The following ASIC2 variants were observed in gnomAD, a reference collection of about 807,000 sequenced individuals.
ASIC2 encodes acid sensing ion channel subunit 2, also known as acid-sensing ion channel 2.
Under a neutral mutation model 57.3 loss-of-function variants are expected in ASIC2, and 25 were observed. That is an observed-to-expected ratio of 0.44 (90% CI 0.32 to 0.61). The LOEUF (loss-of-function observed/expected upper bound fraction) is 0.61. Ranked by LOEUF, ASIC2 falls within the 20% of genes least tolerant of loss-of-function variation. The pLI is 0.06. For synonymous variants in ASIC2, 319 were observed against 307.5 expected (o/e 1.04, Z -0.39); for missense variants, 641 against 738.1 (o/e 0.87, Z 1.52).
At chr17:33,081,424 A>C (rs2092112553) in intron 3 of ASIC2, among the ~76,000 whole-genome samples, 1 of 152,236 alleles carries the variant, frequency 6.6e-6, no homozygotes, top group African/African-American at 2.4e-5. Flanking sequence ...CAATGTCTAC[A>C]CAGCGGGCCA....
chr17:33,736,913 A>G (rs1467111542), intron 1 of ASIC2, among the ~76,000 whole-genome samples: 3 of 152,098 alleles, frequency 2.0e-5, no homozygotes, highest in African/African-American at 7.2e-5. Flanking sequence ...GATCTAAATA[A>G]TGTGGTCTCT....
At chr17:33,547,749 C>T (rs1424244835) in intron 1 of ASIC2, among the ~76,000 whole-genome samples, 1 of 152,200 alleles carries the variant, frequency 6.6e-6, no homozygotes, top group Non-Finnish European at 1.5e-5. Context: ...TCTGCCCATG[C>T]TACACCTGCA....
chr17:33,926,091 G>A (rs1298627731), intron 1 of ASIC2, among the ~76,000 whole-genome samples: 4 of 152,112 alleles, frequency 2.6e-5, no homozygotes, highest in African/African-American at 7.2e-5. Flanking sequence ...CGAAGTCAGG[G>A]GGTTCTTGAA....
At chr17:33,917,166 A>G (rs898187981) in intron 1 of ASIC2, among the ~76,000 whole-genome samples, 3 of 152,098 alleles carry the variant, frequency 2.0e-5, no homozygotes, top group African/African-American at 7.2e-5. Context: ...GTATTTTCCA[A>G]AGTTCTGGCC....
chr17:33,519,285 G>A (rs1372436047), intron 1 of ASIC2, among the ~76,000 whole-genome samples: 1 of 152,208 alleles, frequency 6.6e-6, no homozygotes, highest in Non-Finnish European at 1.5e-5. Flanking sequence ...AATAGAAGCA[G>A]AGCGGCTCTG....
intron 1 of ASIC2, among the ~76,000 whole-genome samples, chr17:34,044,606 C>A (rs1477417869): frequency 6.6e-6 from 1 of 152,130 alleles, no homozygotes; most frequent in African/African-American, 2.4e-5. Flanking sequence ...GAGGAGGCAC[C>A]TAGAGGAGGA....
chr17:33,469,248 T>C (rs1022167499), intron 1 of ASIC2, among the ~76,000 whole-genome samples: 1 of 152,144 alleles, frequency 6.6e-6, no homozygotes, highest in African/African-American at 2.4e-5. Context: ...GAGCACAGAC[T>C]GGGGTGGACA....
At chr17:33,206,607 T>C (rs2142083553) in intron 1 of ASIC2, among the ~76,000 whole-genome samples, 1 of 152,282 alleles carries the variant, frequency 6.6e-6, no homozygotes, top group South Asian at 2.1e-4. Flanking sequence ...TCTTCCGCTT[T>C]CTATCCCCAG....
At chr17:33,740,475 G>T (rs1452913641) in intron 1 of ASIC2, among the ~76,000 whole-genome samples, 1 of 152,190 alleles carries the variant, frequency 6.6e-6, no homozygotes, top group African/African-American at 2.4e-5. Context: ...GATCTCGTGA[G>T]AGCTCACTAT....
intron 1 of ASIC2, among the ~76,000 whole-genome samples, chr17:33,200,276 A>C (rs1222355953): frequency 6.6e-6 from 1 of 152,180 alleles, no homozygotes; most frequent in Non-Finnish European, 1.5e-5. Context: ...CATCGAGTCA[A>C]CATTTTATGA....
chr17:34,105,480 CTTTTT>C (rs11305436), intron 1 of ASIC2, among the ~76,000 whole-genome samples: 1 of 122,882 alleles, frequency 8.1e-6, no homozygotes, highest in Non-Finnish European at 1.7e-5. Flanking sequence ...TTTCATCTAC[CTTTTT>C]TTTTTTTTTT....
intron 1 of ASIC2, among the ~76,000 whole-genome samples, chr17:34,106,866 TGG>T (rs1911079314): frequency 6.6e-6 from 1 of 152,138 alleles, no homozygotes; most frequent in East Asian, 1.9e-4. Flanking sequence ...AATTGAGAAA[TGG>T]TAGTAGAGAC....
At chr17:33,461,281 A>G (rs1912626007) in intron 1 of ASIC2, among the ~76,000 whole-genome samples, 1 of 152,234 alleles carries the variant, frequency 6.6e-6, no homozygotes, top group Non-Finnish European at 1.5e-5. Flanking sequence ...ACCCTGTGAC[A>G]TACTGGTCTT....
intron 1 of ASIC2, among the ~76,000 whole-genome samples, chr17:33,997,177 T>C (rs918147575): frequency 6.6e-6 from 1 of 152,090 alleles, no homozygotes; most frequent in Non-Finnish European, 1.5e-5. Flanking sequence ...TTTCTCACTT[T>C]GTCACCTAGG....
At position 34,156,409 on chromosome 17, in the gene ASIC2, G is replaced by A; in HGVS notation, c.124C>T (p.Arg42Cys). 2.5e-6 allele frequency: 4 copies of A among 1,614,200 alleles called. No individual in the cohort carries two copies. The highest frequency in any genetic ancestry group is 3.4e-6 in the Non-Finnish European group (4 of 1,180,046). The change falls in exon 1 of 10, where the codon CGT (arginine) becomes TGT (cysteine). Residue 42 changes from arginine to cysteine, a missense_variant. Physicochemically the swap from Arg to Cys is radical, Grantham distance 180. Transcript: ENST00000359872. The surrounding 1 kb of genome is among the most constrained non-coding windows in gnomAD (Gnocchi z 4.4). ...ACGAAGGCCACTGCCCACAGCACAC[G>A]CCGGATGGTCAGCGGCCCATACACG...
chr17:33,775,387 C>T (rs1424503605), intron 1 of ASIC2, among the ~76,000 whole-genome samples: 1 of 152,212 alleles, frequency 6.6e-6, no homozygotes, highest in African/African-American at 2.4e-5. Flanking sequence ...GGCTGACACT[C>T]TGGGAGTATG....
intron 1 of ASIC2, among the ~76,000 whole-genome samples, chr17:34,022,066 T>C (rs887251952): frequency 4.6e-5 from 7 of 152,180 alleles, no homozygotes; most frequent in Non-Finnish European, 1.0e-4. Flanking sequence ...CTCGATCTCC[T>C]GACCTTGTGA....
At chr17:33,190,605 G>A (rs1466486734) in intron 1 of ASIC2, among the ~76,000 whole-genome samples, 1 of 152,068 alleles carries the variant, frequency 6.6e-6, no homozygotes, top group African/African-American at 2.4e-5. Flanking sequence ...CAATGTTGAC[G>A]GACTTACACT....
chr17:34,087,773 A>C (rs958840504), intron 1 of ASIC2, among the ~76,000 whole-genome samples: 2 of 151,644 alleles, frequency 1.3e-5, no homozygotes, highest in Admixed American at 6.6e-5. Context: ...TTCCCTTCTC[A>C]CTTCATTTCA....
Sources: gnomAD v4.1 joint callset for allele counts (sites outside exome capture counted in the v4.1 genomes callset) on GRCh38, gnomAD v4.1.1 for gene constraint, Gnocchi (gnomAD v3.1) non-coding constraint, MANE v1.5 for transcripts, NCBI Gene and HGNC (gene_info 2026-07-23, HGNC 2026-07-21) for gene names.